The following ACTN4 variants were observed in gnomAD, a reference collection of about 807,000 sequenced individuals.
The protein encoded by ACTN4 is actinin alpha 4.
A neutral mutation model predicts 114.2 loss-of-function variants in ACTN4; 18 were observed. That is an observed-to-expected ratio of 0.16 (90% CI 0.11 to 0.23). ACTN4 has a LOEUF of 0.23. Among genes scored for constraint, ACTN4 ranks in the 10% least tolerant of loss-of-function variants. The pLI, the probability that ACTN4 is intolerant of heterozygous loss-of-function variation, is 1.00. For missense variants in ACTN4, 722 were observed against 1,262.9 expected (o/e 0.57, Z 6.49); for synonymous variants, 515 against 506.3 (o/e 1.02, Z -0.23).
At chr19:38,698,008 G>A (rs1180990931) in intron 1 of ACTN4, among the ~76,000 whole-genome samples, 1 of 152,218 alleles carries the variant, frequency 6.6e-6, no homozygotes, top group African/African-American at 2.4e-5. Flanking sequence ...GCACATGGTA[G>A]GAGAGAAAGC....
Position 38,711,385 on chromosome 19 carries a change from G to A in ACTN4, c.819+1043G>A, listed in dbSNP as rs550224520. 76 of 987,436 alleles carry A rather than the reference G, an allele frequency of 7.7e-5. No individual in the cohort carries two copies. In the East Asian group the frequency reaches 2.2e-3, roughly 29 times the overall value. 61.2% of individuals were successfully genotyped at this position (987,436 alleles called of 1,614,324 possible). A position where few individuals can be genotyped will look rare whatever the true frequency, so the allele number is the denominator to read the frequency against. On this transcript the variant is annotated intron_variant, in intron 8 of 20. Transcript: ENST00000252699. ...AGGTGAGCTGGGCCAGGCACACCTC[G>A]CTGCTGGGGCTGCAGACCTGCCTTC...
chr19:38,719,162 T>C (rs1470333480), intron 11 of ACTN4, among the ~76,000 whole-genome samples: 1 of 152,156 alleles, frequency 6.6e-6, no homozygotes, highest in East Asian at 1.9e-4. Flanking sequence ...AAGGTTGAGA[T>C]TTCAGATCCC....
rs1260487554 is a variant in ACTN4 at position 38,730,720 on chromosome 19, G to A, written c.*1288G>A. On this transcript the variant is annotated 3_prime_UTR_variant, in exon 21 of 21. Transcript: ENST00000252699. The stretch of plus-strand genomic sequence containing the variant: ...GGCCAGAGTGGTCACCCGGCCGTGA[G>A]CAGTGAGGGCCAGAGACTAGCCCCA... 5.3e-6 allele frequency: 6 copies of A among 1,141,864 alleles called. No individual in the cohort carries two copies. The highest frequency in any genetic ancestry group is 1.5e-5 in the African/African-American group (1 of 65,196). 70.7% of individuals were successfully genotyped at this position (1,141,864 alleles called of 1,614,324 possible). A position where few individuals can be genotyped will look rare whatever the true frequency, so the allele number is the denominator to read the frequency against.
intron 5 of ACTN4, among the ~76,000 whole-genome samples, chr19:38,706,781 G>A (rs1968473303): frequency 6.6e-6 from 1 of 152,186 alleles, no homozygotes; most frequent in African/African-American, 2.4e-5. Flanking sequence ...AGTAAATTTA[G>A]TGTTGGGGAA....
intron 5 of ACTN4, among the ~76,000 whole-genome samples, chr19:38,706,725 T>C (rs911756790): frequency 2.6e-5 from 4 of 152,240 alleles, no homozygotes; most frequent in African/African-American, 9.6e-5. Context: ...CTCTGGCCTC[T>C]TCCTTTATTT....
At chr19:38,711,248 C>G in intron 8 of ACTN4, 1 of 982,518 alleles carries the variant, frequency 1.0e-6, no homozygotes, top group Non-Finnish European at 1.2e-6. Flanking sequence ...TCCTGCCTCT[C>G]TCTCTCTTTC....
chr19:38,723,856 T>C (rs1177682966), intron 13 of ACTN4, 81 bp from the exon 14 acceptor site: 2 of 1,541,812 alleles, frequency 1.3e-6, no homozygotes, highest in Non-Finnish European at 8.9e-7. Context: ...CTCAGGGCCC[T>C]CTGGACCCCT....
At chr19:38,700,549 C>A (rs778160458) in intron 1 of ACTN4, 51 bp from the exon 2 acceptor site, 3 of 1,501,644 alleles carry the variant, frequency 2.0e-6, no homozygotes, top group Admixed American at 1.7e-5. Flanking sequence ...GTGGAGAGAG[C>A]CCCGACAGCC....
Position 38,647,693 on chromosome 19 carries a change from G to T in ACTN4, c.-53G>T, listed in dbSNP as rs1976423494. 6.6e-7 allele frequency: 1 copy of T among 1,514,836 alleles called. No homozygotes were observed. The highest frequency in any genetic ancestry group is 8.8e-7 in the Non-Finnish European group (1 of 1,132,628). The allele number at this position is 1,514,836 out of a possible 1,614,324, so 93.8% of individuals were successfully genotyped here. A position where few individuals can be genotyped will look rare whatever the true frequency, so the allele number is the denominator to read the frequency against. ...TAGCGGCGGCGGCTCGGGCAGAGGG[G>T]CGGGAGCTGAGGCGGGAGCGGACAG... On this transcript the variant is annotated 5_prime_UTR_variant, in exon 1 of 21. Coordinates refer to ENST00000252699, the MANE Select transcript of ACTN4 (RefSeq NM_004924.6).
chr19:38,692,514 C>T (rs544193046), intron 1 of ACTN4, among the ~76,000 whole-genome samples: 1 of 152,382 alleles, frequency 6.6e-6, no homozygotes, highest in African/African-American at 2.4e-5. Context: ...TCCACGGGCC[C>T]CCTTGCCAGG....
At chr19:38,705,246 C>T (rs1198361277) in intron 4 of ACTN4, among the ~76,000 whole-genome samples, 2 of 152,214 alleles carry the variant, frequency 1.3e-5, no homozygotes, top group Non-Finnish European at 2.9e-5. Context: ...CTCACAGCCT[C>T]ATCTCAGTGG....
Position 38,724,058 on chromosome 19 carries a change from A to G in ACTN4, c.1673A>G (p.His558Arg), listed in dbSNP as rs1252241652. Reference protein sequence around the residue: ...MEDLQDMFIVHTIEEIEGLIS... With the variant: ...MEDLQDMFIVRTIEEIEGLIS... ...GACCTCCAGGACATGTTCATCGTCC[A>G]TACCATCGAGGAGATTGAGGTTCGC... The change falls in exon 14 of 21, where the codon CAT (histidine) becomes CGT (arginine). Residue 558 changes from histidine to arginine, a missense_variant. This residue lies in a region of ACTN4 where 523 missense variants were observed against 875.9 expected (regional missense o/e 0.60). Transcript: ENST00000252699. The surrounding 1 kb of genome is among the most constrained non-coding windows in gnomAD (Gnocchi z 7.0). 2 of 1,613,626 alleles carry G rather than the reference A, an allele frequency of 1.2e-6. No individual in the cohort carries two copies. The highest frequency in any genetic ancestry group is 1.7e-6 in the Non-Finnish European group (2 of 1,179,992).
intron 1 of ACTN4, among the ~76,000 whole-genome samples, chr19:38,663,153 C>T (rs1242940911): frequency 1.3e-5 from 2 of 152,108 alleles, no homozygotes; most frequent in Non-Finnish European, 2.9e-5. Flanking sequence ...TCAGGTGATC[C>T]ACCCGCCTCA....
At chr19:38,661,447 T>C (rs957807946) in intron 1 of ACTN4, among the ~76,000 whole-genome samples, 1 of 152,200 alleles carries the variant, frequency 6.6e-6, no homozygotes, top group East Asian at 1.9e-4. Context: ...GTAGTGTGGC[T>C]CTCTTAGGGA....
At chr19:38,662,280 A>G (rs987085760) in intron 1 of ACTN4, among the ~76,000 whole-genome samples, 7 of 152,312 alleles carry the variant, frequency 4.6e-5, no homozygotes, top group Non-Finnish European at 8.8e-5. Flanking sequence ...GGCTATTGAT[A>G]GACACTCCTG....
At chr19:38,691,422 A>C (rs1008529005) in intron 1 of ACTN4, among the ~76,000 whole-genome samples, 47 of 151,202 alleles carry the variant, frequency 3.1e-4, no homozygotes, top group African/African-American at 1.1e-3. Flanking sequence ...AAACAAAAAA[A>C]ACAAAAAAAA....
chr19:38,660,357 A>C lies in ACTN4; in HGVS notation c.162+12450A>C, dbSNP rs1397868877. Among the ~76,000 whole-genome samples the C allele has an allele frequency of 2.0e-5, 3 of 152,164 alleles. No homozygotes were observed. The East Asian group carries it at 5.8e-4, about 29-fold the overall frequency. On this transcript the variant is annotated intron_variant, in intron 1 of 20. Coordinates refer to ENST00000252699, the MANE Select transcript of ACTN4 (RefSeq NM_004924.6). The stretch of plus-strand genomic sequence containing the variant: ...GCTAGCATTTTACCTTGTGCTAGAC[A>C]CTATTCTAAGTGCTTCCCATGGACT...
chr19:38,704,351 C>G lies in ACTN4; in HGVS notation c.398-583C>G, dbSNP rs182543285. On this transcript the variant is annotated intron_variant, in intron 3 of 20. Coordinates refer to ENST00000252699, the MANE Select transcript of ACTN4 (RefSeq NM_004924.6). ...CTGCTGTGTCGATGTGGATTATGGG[C>G]GGGAAGGGTACATAGGAGGCAGCCG... 2.8e-4 allele frequency among the ~76,000 whole-genome samples: 43 copies of G among 152,230 alleles called. No homozygotes were observed. The East Asian group carries it at 6.4e-3, about 23-fold the overall frequency.
intron 8 of ACTN4, 44 bp from the exon 9 acceptor site, chr19:38,714,425 G>T (rs1242807241): frequency 2.5e-6 from 4 of 1,589,198 alleles, no homozygotes; most frequent in Admixed American, 3.3e-5. Flanking sequence ...CAGGAGGGAG[G>T]GTGGCCAGCC....
Sources: gnomAD v4.1 joint callset for allele counts (sites outside exome capture counted in the v4.1 genomes callset) on GRCh38, gnomAD v4.1.1 for gene constraint, gnomAD v4.1.1 regional missense constraint, Gnocchi (gnomAD v3.1) non-coding constraint, MANE v1.5 for transcripts, NCBI Gene and HGNC (gene_info 2026-07-23, HGNC 2026-07-21) for gene names.